The following CACNA2D3 variants were observed in gnomAD, a reference collection of about 807,000 sequenced individuals.
CACNA2D3 encodes voltage-dependent calcium channel subunit alpha-2/delta-3.
In CACNA2D3, 60 loss-of-function variants were observed where a neutral mutation model predicts 160.6. The ratio of observed to expected loss-of-function variants is 0.37; its 90% CI spans 0.30 to 0.46. CACNA2D3 has a LOEUF of 0.46. Ranked by LOEUF, CACNA2D3 falls within the 20% of genes least tolerant of loss-of-function variation. CACNA2D3 has a pLI of 1.00. For synonymous variants in CACNA2D3, 558 were observed against 492.9 expected (o/e 1.13, Z -1.75); for missense variants, 1,205 against 1,365.0 (o/e 0.88, Z 1.85).
At chr3:54,423,863 A>G (rs1868498) in intron 4 of CACNA2D3, among the ~76,000 whole-genome samples, 7,508 of 151,418 alleles carry the variant, frequency 0.05, 272 homozygotes, top group Middle Eastern at 0.098. Flanking sequence ...GCTGGGTTTA[A>G]TGCTCTTCTG....
At chr3:54,385,343 C>T (rs990662671) in intron 3 of CACNA2D3, among the ~76,000 whole-genome samples, 2 of 152,252 alleles carry the variant, frequency 1.3e-5, no homozygotes, top group East Asian at 1.9e-4. Context: ...AGCTGAGGCT[C>T]AGACAGGGGA....
chr3:54,792,718 G>GT (rs1702786382), intron 13 of CACNA2D3, among the ~76,000 whole-genome samples: 1 of 152,012 alleles, frequency 6.6e-6, no homozygotes. Context: ...TAAAGCCCTG[G>GT]TGCCCACACT....
chr3:54,692,915 A>G (rs912193964), intron 11 of CACNA2D3, among the ~76,000 whole-genome samples: 2 of 152,196 alleles, frequency 1.3e-5, no homozygotes, highest in African/African-American at 4.8e-5. Flanking sequence ...AAAAAAAGCC[A>G]TTTAGTTTTT....
At chr3:54,948,979 A>T (rs951317341) in intron 27 of CACNA2D3, among the ~76,000 whole-genome samples, 1 of 152,242 alleles carries the variant, frequency 6.6e-6, no homozygotes, top group Non-Finnish European at 1.5e-5. Context: ...CTTCAGGTAC[A>T]GTTGGATCTG....
At chr3:54,367,263 C>T (rs1311378422) in intron 3 of CACNA2D3, among the ~76,000 whole-genome samples, 1 of 152,100 alleles carries the variant, frequency 6.6e-6, no homozygotes, top group East Asian at 1.9e-4. Flanking sequence ...TCACTTGATC[C>T]TCCACTAAGG....
chr3:54,772,872 G>A (rs548365969), intron 13 of CACNA2D3, among the ~76,000 whole-genome samples: 1 of 152,288 alleles, frequency 6.6e-6, no homozygotes, highest in South Asian at 2.1e-4. Flanking sequence ...AACTTGCTGT[G>A]CAGGATAGAA....
At chr3:54,806,154 G>A (rs570973155) in intron 13 of CACNA2D3, among the ~76,000 whole-genome samples, 2 of 152,318 alleles carry the variant, frequency 1.3e-5, no homozygotes, top group East Asian at 3.9e-4. Flanking sequence ...AGACAGAGAT[G>A]CCCTCTCTCA....
chr3:54,412,552 A>T (rs1699685203), intron 4 of CACNA2D3, among the ~76,000 whole-genome samples: 1 of 133,808 alleles, frequency 7.5e-6, no homozygotes, highest in Non-Finnish European at 1.6e-5. Flanking sequence ...TAGCTTTTAT[A>T]TGGTGTATCT....
At chr3:54,455,230 C>A (rs1208492069) in intron 4 of CACNA2D3, among the ~76,000 whole-genome samples, 1 of 152,040 alleles carries the variant, frequency 6.6e-6, no homozygotes, top group Non-Finnish European at 1.5e-5. Flanking sequence ...ATAAGAATTC[C>A]CCTTTCTCTG....
At chr3:54,252,099 A>ATTTTTTTTTTT (rs1575345395) in intron 2 of CACNA2D3, among the ~76,000 whole-genome samples, 14 of 71,506 alleles carry the variant, frequency 2.0e-4, no homozygotes, top group African/African-American at 3.3e-4. Context: ...TTGCAGAGCT[A>ATTTTTTTTTTT]GTTTTTTTTT....
intron 4 of CACNA2D3, among the ~76,000 whole-genome samples, chr3:54,492,467 A>G (rs1182403311): frequency 6.6e-6 from 1 of 152,132 alleles, no homozygotes; most frequent in African/African-American, 2.4e-5. Context: ...AGGAGCCATT[A>G]CTTATAGCGT....
At chr3:54,305,419 G>T (rs1703575481) in intron 2 of CACNA2D3, among the ~76,000 whole-genome samples, 1 of 152,220 alleles carries the variant, frequency 6.6e-6, no homozygotes, top group Non-Finnish European at 1.5e-5. Context: ...TGGCAGAACA[G>T]CCAGAGAAAC....
intron 27 of CACNA2D3, among the ~76,000 whole-genome samples, chr3:54,954,893 C>T (rs576578498): frequency 1.3e-5 from 2 of 152,258 alleles, no homozygotes; most frequent in South Asian, 4.2e-4. Context: ...GCATGAGAGG[C>T]GCCGATTAAC....
At chr3:54,839,134 T>C (rs1316152518) in intron 16 of CACNA2D3, among the ~76,000 whole-genome samples, 2 of 152,142 alleles carry the variant, frequency 1.3e-5, no homozygotes, top group African/African-American at 4.8e-5. Context: ...GGCAGGCGCC[T>C]GTAGTCCCAG....
At chr3:54,229,809 T>C (rs1401035080) in intron 2 of CACNA2D3, among the ~76,000 whole-genome samples, 1 of 152,200 alleles carries the variant, frequency 6.6e-6, no homozygotes, top group Non-Finnish European at 1.5e-5. Context: ...AAATTTACTG[T>C]TCTGGGACCC....
intron 3 of CACNA2D3, among the ~76,000 whole-genome samples, chr3:54,350,973 T>A (rs1308596980): frequency 6.4e-5 from 3 of 46,740 alleles, no homozygotes; most frequent in Admixed American, 2.4e-4. Flanking sequence ...AGTCTGTTTT[T>A]TTTTTTTTGT....
chr3:54,839,524 A>T (rs373768688), intron 16 of CACNA2D3, among the ~76,000 whole-genome samples: 1 of 152,118 alleles, frequency 6.6e-6, no homozygotes. Flanking sequence ...GGCGAACACC[A>T]CATCCACCCC....
Position 54,891,379 on chromosome 3 carries a change from T to A in CACNA2D3, c.2175T>A (p.Val725=). 6.2e-7 allele frequency: 1 copy of A among 1,613,924 alleles called. No individual in the cohort carries two copies. The highest frequency in any genetic ancestry group is 8.5e-7 in the Non-Finnish European group (1 of 1,179,858). The change falls in exon 25 of 38, where the codon GTT becomes GTA. Residue 725 remains valine (V), a synonymous_variant. Coordinates refer to ENST00000474759, the MANE Select transcript of CACNA2D3 (RefSeq NM_018398.3). ...GAAATTCTGACAAGGGCGTGGAGGT[T>A]GCCTTCCTCGGCACTCGCACGGGCC... ...KSENSDKGVE[V]AFLGTRTGLS... is the part of the protein sequence containing the mutation.
chr3:54,252,407 A>G (rs572839287), intron 2 of CACNA2D3, among the ~76,000 whole-genome samples: 1 of 152,330 alleles, frequency 6.6e-6, no homozygotes, highest in South Asian at 2.1e-4. Flanking sequence ...GTGGCCAAGG[A>G]AAATAGGCTG....
Sources: gnomAD v4.1 joint callset for allele counts (sites outside exome capture counted in the v4.1 genomes callset) on GRCh38, gnomAD v4.1.1 for gene constraint, MANE v1.5 for transcripts, NCBI Gene and HGNC (gene_info 2026-07-23, HGNC 2026-07-21) for gene names.